ARB2A: variants seen among roughly 807,000 people sequenced by gnomAD.
ARB2A encodes the protein cotranscriptional regulator ARB2A.
At chr5:93,879,302 T>G in the ARB2A span, among the ~76,000 whole-genome samples, 3 of 152,072 alleles carry the variant, frequency 2.0e-5, no homozygotes, top group Non-Finnish European at 4.4e-5. Context: ...TCTGCTATTT[T>G]GCAAAATTCC....
the ARB2A span, among the ~76,000 whole-genome samples, chr5:94,023,570 C>T: frequency 6.6e-6 from 1 of 152,194 alleles, no homozygotes; most frequent in Non-Finnish European, 1.5e-5. Context: ...TAATAGTAAC[C>T]TGCAAATCTG....
At chr5:93,664,640 T>A in the ARB2A span, among the ~76,000 whole-genome samples, 30,803 of 147,430 alleles carry the variant, frequency 0.21, 4,066 homozygotes, top group African/African-American at 0.36. Context: ...CAAAAATATA[T>A]ATATATATAT....
chr5:93,663,998 C>A, the ARB2A span, among the ~76,000 whole-genome samples: 4 of 151,936 alleles, frequency 2.6e-5, no homozygotes, highest in Non-Finnish European at 4.4e-5. Context: ...CCAAAGGGTT[C>A]ATGTATCAAT....
chr5:94,102,615 T>C, the ARB2A span, among the ~76,000 whole-genome samples: 1 of 151,820 alleles, frequency 6.6e-6, no homozygotes, highest in South Asian at 2.1e-4. Context: ...ATTATGAAAA[T>C]TTCCCTAACC....
chr5:94,073,008 C>T, the ARB2A span, among the ~76,000 whole-genome samples: 11 of 152,044 alleles, frequency 7.2e-5, no homozygotes, highest in African/African-American at 1.2e-4. Context: ...CCATCTATGC[C>T]TTATCTGAAG....
the ARB2A span, chr5:93,741,832 T>C: frequency 2.3e-6 from 1 of 426,932 alleles, no homozygotes. Flanking sequence ...CCAAGCTGTC[T>C]GGAGTCCCTT....
At chr5:93,634,847 C>T in the ARB2A span, among the ~76,000 whole-genome samples, 1 of 152,010 alleles carries the variant, frequency 6.6e-6, no homozygotes, top group Non-Finnish European at 1.5e-5. Flanking sequence ...GTGATCTTGG[C>T]TCACTGCAAC....
chr5:93,854,611 C>G, the ARB2A span, among the ~76,000 whole-genome samples: 1 of 152,190 alleles, frequency 6.6e-6, no homozygotes, highest in Admixed American at 6.5e-5. Flanking sequence ...AAATTTCCCT[C>G]TACACACTGC....
At chr5:93,652,783 A>G in the ARB2A span, among the ~76,000 whole-genome samples, 1 of 152,212 alleles carries the variant, frequency 6.6e-6, no homozygotes, top group Non-Finnish European at 1.5e-5. Flanking sequence ...CCATCTCCCA[A>G]ACATATTTGA....
the ARB2A span, chr5:93,781,903 C>T: frequency 8.1e-6 from 8 of 985,360 alleles, no homozygotes; most frequent in Middle Eastern, 1.0e-3. Context: ...ACAGCCCTTT[C>T]CTGTAATCCA....
the ARB2A span, among the ~76,000 whole-genome samples, chr5:94,100,784 A>C: frequency 2.0e-5 from 3 of 152,196 alleles, no homozygotes; most frequent in Non-Finnish European, 4.4e-5. Context: ...TACAAGAATA[A>C]ACTCAAATGG....
At chr5:93,681,603 C>CT in the ARB2A span, among the ~76,000 whole-genome samples, 1 of 152,170 alleles carries the variant, frequency 6.6e-6, no homozygotes, top group African/African-American at 2.4e-5. Context: ...TATGCAAACT[C>CT]TAAGCTACCT....
chr5:93,623,164 T>C, the ARB2A span, among the ~76,000 whole-genome samples: 1 of 151,794 alleles, frequency 6.6e-6, no homozygotes, highest in Non-Finnish European at 1.5e-5. Context: ...CTTATAATGG[T>C]AGGACATTTT....
At chr5:93,682,764 A>C in the ARB2A span, 1 of 806,464 alleles carries the variant, frequency 1.2e-6, no homozygotes. Flanking sequence ...TATAAAAAGG[A>C]CAGCCAGATA....
chr5:93,864,827 A>C, the ARB2A span, among the ~76,000 whole-genome samples: 1 of 152,182 alleles, frequency 6.6e-6, no homozygotes, highest in Non-Finnish European at 1.5e-5. Context: ...AATGATGTCA[A>C]AGTACATACT....
the ARB2A span, among the ~76,000 whole-genome samples, chr5:94,080,908 C>T: frequency 6.6e-6 from 1 of 152,044 alleles, no homozygotes; most frequent in African/African-American, 2.4e-5. Flanking sequence ...TAACAATGTC[C>T]TTTTCTAACG....
the ARB2A span, among the ~76,000 whole-genome samples, chr5:94,030,920 A>G: frequency 6.6e-6 from 1 of 152,142 alleles, no homozygotes; most frequent in African/African-American, 2.4e-5. Context: ...CCATGTTATG[A>G]TGCAGTACAA....
the ARB2A span, among the ~76,000 whole-genome samples, chr5:93,835,063 G>C: frequency 6.6e-6 from 1 of 152,184 alleles, no homozygotes; most frequent in Admixed American, 6.5e-5. Context: ...GTATTTGCTG[G>C]TGGCAGAGTG....
At chr5:93,963,395 C>T in the ARB2A span, among the ~76,000 whole-genome samples, 1 of 151,918 alleles carries the variant, frequency 6.6e-6, no homozygotes, top group African/African-American at 2.4e-5. Flanking sequence ...ATCATAAGCA[C>T]TTGGACCAGT....
Sources: allele counts gnomAD v4.1 joint callset (sites outside exome capture counted in the v4.1 genomes callset), GRCh38; gene constraint gnomAD v4.1.1; transcripts MANE v1.5; gene names NCBI Gene and HGNC (gene_info 2026-07-23, HGNC 2026-07-21).